Variants in SORCS1 observed in about 807,000 individuals in gnomAD.
SORCS1 encodes sortilin related VPS10 domain containing receptor 1, also known as VPS10 domain-containing receptor SorCS1.
A neutral mutation model predicts 146.1 loss-of-function variants in SORCS1; 60 were observed. The observed-to-expected ratio is 0.41, with a 90% confidence interval of 0.33 to 0.51. The LOEUF (loss-of-function observed/expected upper bound fraction) is 0.51. Among genes scored for constraint, SORCS1 ranks in the 20% least tolerant of loss-of-function variants. SORCS1 has a pLI of 0.21. For synonymous variants in SORCS1, 637 were observed against 584.0 expected (o/e 1.09, Z -1.31); for missense variants, 1,352 against 1,487.6 (o/e 0.91, Z 1.50).
chr10:106,809,665 C>A (rs1947362200), intron 3 of SORCS1, among the ~76,000 whole-genome samples: 1 of 152,096 alleles, frequency 6.6e-6, no homozygotes, highest in Admixed American at 6.5e-5. Context: ...TCACAGACTC[C>A]CCTTCACTAT....
intron 4 of SORCS1, among the ~76,000 whole-genome samples, chr10:106,773,344 G>A (rs1246933946): frequency 6.6e-6 from 1 of 152,180 alleles, no homozygotes; most frequent in Non-Finnish European, 1.5e-5. Flanking sequence ...CACGACCCAT[G>A]GGGGACTGTC....
At chr10:107,150,123 A>G (rs545133374) in intron 1 of SORCS1, among the ~76,000 whole-genome samples, 26 of 152,290 alleles carry the variant, frequency 1.7e-4, no homozygotes, top group African/African-American at 6.3e-4. Flanking sequence ...GTCTATTTCC[A>G]CCAGAATATG....
intron 1 of SORCS1, among the ~76,000 whole-genome samples, chr10:106,984,140 T>C (rs1221738908): frequency 6.6e-6 from 1 of 152,196 alleles, no homozygotes; most frequent in East Asian, 1.9e-4. Flanking sequence ...TAGTCAATTA[T>C]AAAAGGGAAC....
In SORCS1 at chr10:106,644,271, C is replaced by T. The variant is rs182999229; in HGVS notation, c.2475+8111G>A. 3.5e-3 allele frequency among the ~76,000 whole-genome samples: 528 copies of T among 152,140 alleles called. 1 individual carries two copies. The highest frequency in any genetic ancestry group is 6.8e-3 in the Middle Eastern group (2 of 294). On this transcript the variant is annotated intron_variant, in intron 18 of 25. Transcript: ENST00000263054. Reference sequence around the variant, plus strand: ...ATCCATTAGCTGCTGCCCAGATGAACCAACTGAAAACTGCCAGTACACTCA... The same window carrying T: ...ATCCATTAGCTGCTGCCCAGATGAATCAACTGAAAACTGCCAGTACACTCA...
At chr10:106,606,272 TATACAC>T (rs771565893) in intron 23 of SORCS1, among the ~76,000 whole-genome samples, 2,674 of 107,802 alleles carry the variant, frequency 0.025, 49 homozygotes, top group East Asian at 0.084. Flanking sequence ...CACACACAGA[TATACAC>T]ACACACACAC....
intron 14 of SORCS1, among the ~76,000 whole-genome samples, chr10:106,673,674 A>C (rs1017081956): frequency 9.8e-5 from 15 of 152,296 alleles, no homozygotes; most frequent in African/African-American, 3.6e-4. Flanking sequence ...TTATCTTGCT[A>C]ATGTACATAG....
At chr10:106,632,143 C>T (rs1848476834) in intron 18 of SORCS1, among the ~76,000 whole-genome samples, 1 of 152,108 alleles carries the variant, frequency 6.6e-6, no homozygotes, top group South Asian at 2.1e-4. Context: ...CTGACAGCCC[C>T]TGAAGACAAA....
intron 17 of SORCS1, among the ~76,000 whole-genome samples, chr10:106,657,830 T>A (rs1442658352): frequency 6.6e-6 from 1 of 151,980 alleles, no homozygotes; most frequent in Non-Finnish European, 1.5e-5. Flanking sequence ...AATCTTTGAT[T>A]CTTTGCCTAC....
chr10:106,932,327 T>A (rs1169648089), intron 2 of SORCS1, among the ~76,000 whole-genome samples: 1 of 152,224 alleles, frequency 6.6e-6, no homozygotes, highest in African/African-American at 2.4e-5. Context: ...CACATTTGGC[T>A]GCTGATTGCT....
At chr10:106,712,182 T>C (rs1408927904) in intron 6 of SORCS1, among the ~76,000 whole-genome samples, 2 of 152,064 alleles carry the variant, frequency 1.3e-5, no homozygotes, top group Non-Finnish European at 2.9e-5. Flanking sequence ...CTCAAATCTA[T>C]CTCCCTGGCA....
intron 1 of SORCS1, among the ~76,000 whole-genome samples, chr10:107,123,905 G>A (rs1220143031): frequency 2.0e-4 from 30 of 148,000 alleles, no homozygotes; most frequent in Middle Eastern, 6.8e-3. Context: ...GTGAAACCCC[G>A]TCTCTACTAA....
chr10:107,139,766 A>G (rs1177722306), intron 1 of SORCS1, among the ~76,000 whole-genome samples: 1 of 152,182 alleles, frequency 6.6e-6, no homozygotes, highest in Non-Finnish European at 1.5e-5. Flanking sequence ...AAAACCTGGA[A>G]TGACCAACAC....
intron 24 of SORCS1, among the ~76,000 whole-genome samples, chr10:106,580,231 G>A (rs569352318): frequency 2.0e-5 from 3 of 152,248 alleles, no homozygotes; most frequent in South Asian, 4.1e-4. Context: ...GGAGGGATAT[G>A]CCACCTGGCT....
At chr10:107,063,212 G>A (rs1012412414) in intron 1 of SORCS1, among the ~76,000 whole-genome samples, 1 of 152,164 alleles carries the variant, frequency 6.6e-6, no homozygotes, top group Non-Finnish European at 1.5e-5. Flanking sequence ...AACATGCAAG[G>A]AGTTACTTCT....
At chr10:106,623,838 G>A (rs186028071) in intron 19 of SORCS1, among the ~76,000 whole-genome samples, 2 of 151,308 alleles carry the variant, frequency 1.3e-5, no homozygotes, top group East Asian at 4.0e-4. Context: ...GCTAATTTTC[G>A]ACATCCGGCT....
chr10:106,584,726 G>A (rs1330053939), intron 24 of SORCS1, among the ~76,000 whole-genome samples: 1 of 152,130 alleles, frequency 6.6e-6, no homozygotes, highest in African/African-American at 2.4e-5. Context: ...ATTTTAATGT[G>A]TCTCAGTTTG....
At chr10:106,850,156 T>C (rs1175399014) in intron 2 of SORCS1, among the ~76,000 whole-genome samples, 2 of 151,870 alleles carry the variant, frequency 1.3e-5, no homozygotes, top group South Asian at 2.1e-4. Flanking sequence ...TAAGCAAGCC[T>C]GGGCAATGGC....
intron 10 of SORCS1, among the ~76,000 whole-genome samples, chr10:106,684,525 T>A (rs1243860937): frequency 6.6e-6 from 1 of 152,192 alleles, no homozygotes; most frequent in African/African-American, 2.4e-5. Flanking sequence ...TAATATTCTA[T>A]CTAATTGTAC....
intron 3 of SORCS1, among the ~76,000 whole-genome samples, chr10:106,797,310 G>T (rs1946621607): frequency 1.3e-5 from 2 of 151,822 alleles, no homozygotes; most frequent in African/African-American, 4.8e-5. Flanking sequence ...CTAGACAATG[G>T]CATTTAACTC....
Sources: gnomAD v4.1 joint callset for allele counts (sites outside exome capture counted in the v4.1 genomes callset) on GRCh38, gnomAD v4.1.1 for gene constraint, MANE v1.5 for transcripts, NCBI Gene and HGNC (gene_info 2026-07-23, HGNC 2026-07-21) for gene names.